Variants in TRAPPC11 observed in about 807,000 individuals in gnomAD.
TRAPPC11 encodes the protein foie gras homolog.
In TRAPPC11, 104 loss-of-function variants were observed where a neutral mutation model predicts 151.2. The observed-to-expected ratio is 0.69, with a 90% CI of 0.59 to 0.81. TRAPPC11 has a LOEUF of 0.81. Ranked by LOEUF, TRAPPC11 falls within the 30% of genes least tolerant of loss-of-function variation. TRAPPC11 has a pLI of 0.00. For missense variants in TRAPPC11, 1,230 were observed against 1,349.6 expected (o/e 0.91, Z 1.39); for synonymous variants, 456 against 472.3 (o/e 0.97, Z 0.45).
chr4:183,691,221 G>C lies in TRAPPC11; in HGVS notation c.1894-95G>C, dbSNP rs141361544. On this transcript the variant is annotated intron_variant, in intron 18 of 29. Coordinates refer to ENST00000334690, the MANE Select transcript of TRAPPC11 (RefSeq NM_021942.6). The stretch of plus-strand genomic sequence containing the variant: ...ATTAGTAACCCTTCATAATGCTTCA[G>C]TGTTTGTGGAGTTATACTAAATGAG... 7.4e-4 allele frequency: 722 copies of C among 972,568 alleles called. 4 individuals are homozygous for C. The African/African-American group carries it at 0.011, about 15-fold the overall frequency. 60.2% of individuals were successfully genotyped at this position (972,568 alleles called of 1,614,324 possible). A position where few individuals can be genotyped will look rare whatever the true frequency, so the allele number is the denominator to read the frequency against.
chr4:183,686,564 G>A (rs1267861921), intron 17 of TRAPPC11, 54 bp from the exon 18 acceptor site: 1 of 1,593,706 alleles, frequency 6.3e-7, no homozygotes, highest in East Asian at 2.2e-5. Context: ...CAGGATGTGT[G>A]TGGGTCGTGG....
At chr4:183,669,356 A>C (rs1295075635) in intron 5 of TRAPPC11, among the ~76,000 whole-genome samples, 2 of 152,170 alleles carry the variant, frequency 1.3e-5, no homozygotes, top group Non-Finnish European at 2.9e-5. Flanking sequence ...CTTTCCACTG[A>C]GGCTCATCCC....
At chr4:183,680,679 CT>C (rs71589581) in intron 10 of TRAPPC11, among the ~76,000 whole-genome samples, 205 of 82,944 alleles carry the variant, frequency 2.5e-3, no homozygotes, top group African/African-American at 8.1e-3. Context: ...TATGGAGACT[CT>C]TTTTTTTTTT....
chr4:183,705,034 G>GT lies in TRAPPC11; in HGVS notation c.3020dup (p.Ile1008AspfsTer32). ...CACAACTGTCATCACTCTGCCGCAC[G>GT]TGATTGTGGAGAATATCCCTCTCCA... On this transcript the variant is annotated frameshift_variant, in exon 27 of 30. Coordinates refer to ENST00000334690, the MANE Select transcript of TRAPPC11 (RefSeq NM_021942.6). LOFTEE classifies it high-confidence loss of function. The GT allele has an allele frequency of 6.3e-7, 1 of 1,598,122 alleles. No individual in the cohort carries two copies. Among genetic ancestry groups the GT allele is most frequent in the Non-Finnish European group, 8.6e-7 (1 of 1,168,800 alleles).
At position 183,674,742 on chromosome 4, in the gene TRAPPC11, A is replaced by G; in HGVS notation, c.590A>G (p.Gln197Arg). 1 of 1,582,484 alleles carries G rather than the reference A, an allele frequency of 6.3e-7. No homozygotes were observed. Among genetic ancestry groups the G allele is most frequent in the Non-Finnish European group, 8.6e-7 (1 of 1,167,232 alleles). ...RLENAFYEHA[Q>R]TYYYTEIRRV... is the part of the protein sequence containing the mutation. ...GAAAATGCCTTTTATGAACATGCAC[A>G]GACTTATTACTACACTGAGATCAGA... is the stretch of plus-strand genomic sequence containing the variant. Residue 197 changes from glutamine (Q) to arginine (R), a missense_variant, in exon 6 of 30, where the codon CAG becomes CGG. Physicochemically the swap from Gln to Arg is conservative, Grantham distance 43. Coordinates refer to ENST00000334690, the MANE Select transcript of TRAPPC11 (RefSeq NM_021942.6).
chr4:183,698,841 A>T (rs1415413196), intron 25 of TRAPPC11, among the ~76,000 whole-genome samples: 1 of 152,112 alleles, frequency 6.6e-6, no homozygotes, highest in Non-Finnish European at 1.5e-5. Context: ...TGTTGTACGT[A>T]CACTTGATCC....
In TRAPPC11 at chr4:183,699,428, C is replaced by G. The variant is rs1736695604; in HGVS notation, c.2851+1593C>G. ...AATTTCGTATTTGTAAATATGGCTC[C>G]CTTACTAGACTGTGTGTTCCCTTAG... On this transcript the variant is annotated intron_variant, in intron 25 of 29. Transcript: ENST00000334690. Among the ~76,000 whole-genome samples the G allele has an allele frequency of 5.9e-5, 9 of 152,274 alleles. 1 individual carries two copies. In the South Asian group the frequency reaches 1.9e-3, roughly 32 times the overall value.
At position 183,677,639 on chromosome 4, in the gene TRAPPC11, T is replaced by G. The variant is rs531518253; in HGVS notation, c.831+85T>G. The G allele has an allele frequency of 6.2e-5, 51 of 829,104 alleles. No individual in the cohort carries two copies. In the African/African-American group the frequency reaches 8.1e-4, roughly 13 times the overall value. The allele number at this position is 829,104 out of a possible 1,614,324, so 51.4% of individuals were successfully genotyped here. On this transcript the variant is annotated intron_variant, in intron 8 of 29. Coordinates refer to ENST00000334690, the MANE Select transcript of TRAPPC11 (RefSeq NM_021942.6). ...AAATTTGAACATCAAAATTAATTTCTTGCTCTGAAAAGTTAGTATTTGATT... is the reference window on the plus strand; with the variant it reads ...AAATTTGAACATCAAAATTAATTTCGTGCTCTGAAAAGTTAGTATTTGATT...
chr4:183,674,788 AT>A lies in TRAPPC11; in HGVS notation c.641del (p.Leu214Ter). ...EIRRVKSHKE[F>X]LNKTTHQLLF... ...TCAGAAGAGTGAAATCTCATAAAGA[AT>A]TTTTGAATAAAACAACACACCAGGT... On this transcript the variant is annotated frameshift_variant, in exon 6 of 30. Transcript: ENST00000334690. LOFTEE classifies it high-confidence loss of function. 1 of 1,594,794 alleles carries A rather than the reference AT, an allele frequency of 6.3e-7. No individual in the cohort carries two copies. Among genetic ancestry groups the A allele is most frequent in the Non-Finnish European group, 8.5e-7 (1 of 1,172,430 alleles).
intron 11 of TRAPPC11, 192 bp from the exon 12 acceptor site, chr4:183,683,783 C>A: frequency 1.7e-6 from 1 of 585,064 alleles, no homozygotes. Flanking sequence ...CAATAATGTT[C>A]CCATCAGAAC....
intron 7 of TRAPPC11, among the ~76,000 whole-genome samples, chr4:183,676,441 C>T (rs1282743191): frequency 2.6e-5 from 4 of 152,056 alleles, no homozygotes; most frequent in Non-Finnish European, 4.4e-5. Context: ...TGAGCCACTG[C>T]GCCTGGCCTG....
intron 7 of TRAPPC11, among the ~76,000 whole-genome samples, chr4:183,676,757 C>T (rs140078684): frequency 7.2e-5 from 11 of 152,280 alleles, no homozygotes; most frequent in African/African-American, 2.4e-4. Context: ...GGTTAAAAAG[C>T]TGTTGACCTG....
chr4:183,663,858 C>T lies in TRAPPC11; in HGVS notation c.-10C>T, dbSNP rs1191840460. 6.4e-7 allele frequency: 1 copy of T among 1,550,944 alleles called. No individual in the cohort carries two copies. The highest frequency in any genetic ancestry group is 1.8e-5 in the Admixed American group (1 of 56,486). Reference sequence around the variant, plus strand: ...CATTTGTATTTCAGGTTTTTTGTGACATCGTAAACATGAGCCCCACACAGT... The same window carrying T: ...CATTTGTATTTCAGGTTTTTTGTGATATCGTAAACATGAGCCCCACACAGT... On this transcript the variant is annotated 5_prime_UTR_variant, in exon 2 of 30. Coordinates refer to ENST00000334690, the MANE Select transcript of TRAPPC11 (RefSeq NM_021942.6).
At chr4:183,690,784 G>A (rs1028662964) in intron 18 of TRAPPC11, among the ~76,000 whole-genome samples, 7 of 152,062 alleles carry the variant, frequency 4.6e-5, no homozygotes, top group African/African-American at 9.7e-5. Flanking sequence ...CTTGGGCAAC[G>A]TAGTGAGACC....
chr4:183,712,666 T>C lies in TRAPPC11; in HGVS notation c.*22T>C. ...ATGATGTTCAAGACCGGCCCTTGGCTGTTGTTACAGAGATGTTGGGCAGAG... is the reference window on the plus strand; with the variant it reads ...ATGATGTTCAAGACCGGCCCTTGGCCGTTGTTACAGAGATGTTGGGCAGAG... On this transcript the variant is annotated 3_prime_UTR_variant, in exon 30 of 30. Coordinates refer to ENST00000334690, the MANE Select transcript of TRAPPC11 (RefSeq NM_021942.6). The C allele has an allele frequency of 1.2e-6, 2 of 1,613,612 alleles. No homozygotes were observed. Among genetic ancestry groups the C allele is most frequent in the Non-Finnish European group, 1.7e-6 (2 of 1,179,518 alleles).
At chr4:183,667,905 A>T in intron 4 of TRAPPC11, 98 bp from the exon 5 acceptor site, 1 of 890,320 alleles carries the variant, frequency 1.1e-6, no homozygotes, top group South Asian at 1.4e-5. Context: ...TTGGGTTTTT[A>T]TTCCTAATTC....
chr4:183,711,113 A>C (rs1365995318), intron 29 of TRAPPC11, among the ~76,000 whole-genome samples: 1 of 134,250 alleles, frequency 7.4e-6, no homozygotes, highest in African/African-American at 3.1e-5. Context: ...AATGTCTACA[A>C]TTTTTTTTTT....
intron 28 of TRAPPC11, among the ~76,000 whole-genome samples, chr4:183,707,612 A>T (rs999167446): frequency 6.6e-6 from 1 of 152,206 alleles, no homozygotes; most frequent in Non-Finnish European, 1.5e-5. Flanking sequence ...TAGAGAACAT[A>T]TGTGTCTTAA....
intron 1 of TRAPPC11, among the ~76,000 whole-genome samples, chr4:183,661,361 CTT>C (rs139201416): frequency 1.8e-3 from 143 of 79,420 alleles, no homozygotes; most frequent in South Asian, 3.2e-3. Context: ...TGTAGATTAC[CTT>C]TTTTTTTTTT....
Sources: gnomAD v4.1 joint callset for allele counts (sites outside exome capture counted in the v4.1 genomes callset) on GRCh38, gnomAD v4.1.1 for gene constraint, MANE v1.5 for transcripts, NCBI Gene and HGNC (gene_info 2026-07-23, HGNC 2026-07-21) for gene names.